ARID1B: variants seen among roughly 807,000 people sequenced by gnomAD.
ARID1B encodes AT-rich interactive domain-containing protein 1B.
In ARID1B, 30 loss-of-function variants were observed where a neutral mutation model predicts 212.3. The observed-to-expected ratio is 0.14, with a 90% CI of 0.11 to 0.19. The LOEUF (loss-of-function observed/expected upper bound fraction) is 0.19. ARID1B is among the 10% of genes least tolerant of loss of function. ARID1B has a pLI of 1.00. For synonymous variants in ARID1B, 1,402 were observed against 1,301.7 expected (o/e 1.08, Z -1.66); for missense variants, 2,891 against 3,204.0 (o/e 0.90, Z 2.36).
intron 1 of ARID1B, among the ~76,000 whole-genome samples, chr6:156,826,496 T>A (rs1782749589): frequency 6.6e-6 from 1 of 152,208 alleles, no homozygotes; most frequent in Non-Finnish European, 1.5e-5. Flanking sequence ...TAGTAGGTGC[T>A]TAGTAAATGT....
intron 2 of ARID1B, among the ~76,000 whole-genome samples, chr6:156,845,230 G>A (rs1784157017): frequency 6.6e-6 from 1 of 152,128 alleles, no homozygotes; most frequent in African/African-American, 2.4e-5. Flanking sequence ...GTGATCTCCT[G>A]GTCAGAGCTG....
Position 156,778,895 on chromosome 6 carries a change from A to G in ARID1B, c.1215A>G (p.Gly405=). The change falls in exon 1 of 20, where the codon GGA becomes GGG. Residue 405 remains glycine, a synonymous_variant. Coordinates refer to ENST00000636930, the MANE Select transcript of ARID1B (RefSeq NM_001374828.1). The stretch of plus-strand genomic sequence containing the variant: ...GCGGAGGAGGAGGAGGCAGCGGAGG[A>G]GGAGGAGGAGGAGGAGGAGCAGGAG... ...GGGGGGGGSG[G]GGGGGGAGAG... 1.5e-6 allele frequency: 2 copies of G among 1,339,626 alleles called. No homozygotes were observed. Among genetic ancestry groups the G allele is most frequent in the South Asian group, 1.9e-5 (1 of 52,722 alleles). The allele number at this position is 1,339,626 out of a possible 1,614,324, so 83.0% of individuals were successfully genotyped here.
intron 5 of ARID1B, among the ~76,000 whole-genome samples, chr6:157,096,750 G>A (rs573219735): frequency 4.6e-5 from 7 of 152,326 alleles, no homozygotes; most frequent in East Asian, 1.9e-4. Context: ...TTCTAGCCTC[G>A]TGCTGGAGAG....
chr6:157,069,251 T>G (rs932191501), intron 4 of ARID1B, among the ~76,000 whole-genome samples: 3 of 152,202 alleles, frequency 2.0e-5, no homozygotes, highest in Admixed American at 6.5e-5. Context: ...CATTTATTTT[T>G]TATATATTAT....
chr6:156,808,002 G>A (rs771605739), intron 1 of ARID1B, among the ~76,000 whole-genome samples: 11 of 152,162 alleles, frequency 7.2e-5, no homozygotes, highest in East Asian at 1.9e-4. Flanking sequence ...GTCATTGAGC[G>A]CTGTCCATAA....
chr6:157,132,082 A>G (rs913835656), intron 6 of ARID1B, among the ~76,000 whole-genome samples: 6 of 152,240 alleles, frequency 3.9e-5, no homozygotes, highest in African/African-American at 9.6e-5. Flanking sequence ...AAATGAACCA[A>G]AAGGAGCAAG....
At chr6:157,043,676 G>A (rs1782033790) in intron 4 of ARID1B, among the ~76,000 whole-genome samples, 1 of 152,164 alleles carries the variant, frequency 6.6e-6, no homozygotes, top group South Asian at 2.1e-4. Context: ...TATCACTACT[G>A]TGTTCTTCTG....
chr6:156,939,398 A>G (rs2128282718), intron 4 of ARID1B: 1 of 152,120 alleles, frequency 6.6e-6, no homozygotes, highest in African/African-American at 2.4e-5. Flanking sequence ...TTAAATTTTC[A>G]CCTCTTGTGG....
At chr6:157,031,852 A>G (rs916056931) in intron 4 of ARID1B, among the ~76,000 whole-genome samples, 2 of 151,840 alleles carry the variant, frequency 1.3e-5, no homozygotes, top group African/African-American at 2.4e-5. Flanking sequence ...ATGGAGTGCA[A>G]TGGTGCGATC....
intron 1 of ARID1B, among the ~76,000 whole-genome samples, chr6:156,811,278 T>C (rs987799929): frequency 6.6e-6 from 1 of 152,194 alleles, no homozygotes; most frequent in Non-Finnish European, 1.5e-5. Context: ...ATTTTCTTAG[T>C]TAGATGCCAG....
intron 4 of ARID1B, among the ~76,000 whole-genome samples, chr6:157,014,735 A>T (rs1401350113): frequency 1.3e-5 from 2 of 152,204 alleles, no homozygotes; most frequent in Non-Finnish European, 2.9e-5. Context: ...AAATTTGAGG[A>T]ATACAATAGT....
At chr6:156,865,583 A>G (rs1785627977) in intron 2 of ARID1B, among the ~76,000 whole-genome samples, 1 of 152,022 alleles carries the variant, frequency 6.6e-6, no homozygotes, top group Admixed American at 6.6e-5. Flanking sequence ...AATTATGGAA[A>G]AGCTCTTAAG....
chr6:156,932,153 G>C (rs935528872), intron 3 of ARID1B, among the ~76,000 whole-genome samples: 3 of 131,938 alleles, frequency 2.3e-5, no homozygotes, highest in Admixed American at 8.0e-5. Context: ...AAAGGGGGGG[G>C]GCGGGGTGAA....
chr6:156,980,536 G>A (rs1390137199), intron 4 of ARID1B, among the ~76,000 whole-genome samples: 1 of 152,110 alleles, frequency 6.6e-6, no homozygotes, highest in African/African-American at 2.4e-5. Flanking sequence ...CTTTCTGTGT[G>A]CCAGTCAATG....
chr6:157,145,242 A>T (rs1203035630), intron 7 of ARID1B, among the ~76,000 whole-genome samples: 1 of 152,148 alleles, frequency 6.6e-6, no homozygotes. Context: ...ACCGGTCTGT[A>T]TCAGGAGTCC....
chr6:156,781,946 A>T (rs1299525456), intron 1 of ARID1B, among the ~76,000 whole-genome samples: 4 of 102,616 alleles, frequency 3.9e-5, no homozygotes, highest in African/African-American at 1.5e-4. Context: ...GAATGAATCC[A>T]TTATGTCCCT....
chr6:156,921,533 A>G (rs1046250012), intron 3 of ARID1B, among the ~76,000 whole-genome samples: 2 of 151,442 alleles, frequency 1.3e-5, no homozygotes, highest in Non-Finnish European at 1.5e-5. Context: ...ATTTTCTGCT[A>G]TTTCTTGGAG....
In ARID1B at chr6:156,861,191, G is replaced by C. The variant is rs193028444; in HGVS notation, c.1986+31770G>C. On this transcript the variant is annotated intron_variant, in intron 2 of 19. Transcript: ENST00000636930. The stretch of plus-strand genomic sequence containing the variant: ...ACTCTGTGTGTTTGGTGGTGGGGAG[G>C]GGGGACAGGCATGTTCTTGACAGGG... Among the ~76,000 whole-genome samples, 16 of 152,264 alleles carry C rather than the reference G, an allele frequency of 1.1e-4. No homozygotes were observed. The East Asian group carries it at 2.1e-3, about 20-fold the overall frequency.
intron 2 of ARID1B, among the ~76,000 whole-genome samples, chr6:156,850,771 A>C (rs976276426): frequency 2.0e-5 from 3 of 152,224 alleles, no homozygotes; most frequent in Non-Finnish European, 4.4e-5. Flanking sequence ...AAGCAGTTAA[A>C]CTTGCTATCC....
Sources: allele counts gnomAD v4.1 joint callset (sites outside exome capture counted in the v4.1 genomes callset), GRCh38; gene constraint gnomAD v4.1.1; transcripts MANE v1.5; gene names NCBI Gene and HGNC (gene_info 2026-07-23, HGNC 2026-07-21).